LCN6: variants seen among roughly 807,000 people sequenced by gnomAD.
The protein encoded by LCN6 is epididymal-specific lipocalin-6.
In LCN6, 20 loss-of-function variants were observed where a neutral mutation model predicts 21.4. The observed-to-expected ratio is 0.93, with a 90% CI of 0.66 to 1.36. The LOEUF (loss-of-function observed/expected upper bound fraction) is 1.36, where lower values mean the gene tolerates loss of function less well. Among genes scored for constraint, LCN6 ranks in the 40% most tolerant of loss-of-function variants. LCN6 has a pLI of 0.00. For synonymous variants in LCN6, 96 were observed against 89.0 expected (o/e 1.08, Z -0.44); for missense variants, 217 against 206.6 (o/e 1.05, Z -0.31).
intron 1 of LCN6, among the ~76,000 whole-genome samples, chr9:136,747,994 CCAGCCCTCCAGCCTCCAGTTCTG>C (rs1847072911): frequency 2.7e-5 from 4 of 149,688 alleles, no homozygotes; most frequent in Admixed American, 2.6e-4. Context: ...CTCCAGCTCT[CCAGCCCTCCAGCCTCCAGTTCTG>C]CAGCCCTCCA....
intron 1 of LCN6, among the ~76,000 whole-genome samples, 173 bp downstream of exon 1, chr9:136,748,221 C>T (rs1320878374): frequency 4.6e-5 from 7 of 152,256 alleles, no homozygotes; most frequent in African/African-American, 1.7e-4. Flanking sequence ...CTCCAGCATC[C>T]ACCCCTCCTG....
At position 136,747,497 on chromosome 9, in the gene LCN6, T is replaced by C. The variant is rs780721064; in HGVS notation, c.157A>G (p.Met53Val). ...REKGFAMEKD[M>V]KNVVGVVVTL... Reference sequence around the variant, plus strand: ...ACCACCACCCCCACGACGTTCTTCATGTCCTTCTCCATGGCAAAGCCCTTT... The same window carrying C: ...ACCACCACCCCCACGACGTTCTTCACGTCCTTCTCCATGGCAAAGCCCTTT... Residue 53 changes from methionine to valine, a missense_variant, in exon 2 of 7, where the codon ATG (methionine) becomes GTG (valine). Transcript: ENST00000341206. 6.2e-6 allele frequency: 10 copies of C among 1,613,590 alleles called. No homozygotes were observed. The highest frequency in any genetic ancestry group is 4.5e-5 in the East Asian group (2 of 44,906).
At position 136,744,743 on chromosome 9, in the gene LCN6, TG is replaced by T. The variant is rs1176484651; in HGVS notation, c.413-3del. The stretch of plus-strand genomic sequence containing the variant: ...CCTGGCTGGCTGTCTCCGTCAGACC[TG>T]GGGGCACCAGGGCAGTGCAGGGGGA... On this transcript the variant is annotated splice_polypyrimidine_tract_variant and splice_region_variant and intron_variant, in intron 4 of 6. Transcript: ENST00000341206. The surrounding 1 kb of genome is among the most constrained non-coding windows in gnomAD (Gnocchi z 4.2). The T allele has an allele frequency of 1.9e-5, 30 of 1,598,066 alleles. No homozygotes were observed. The highest frequency in any genetic ancestry group is 2.5e-5 in the Non-Finnish European group (29 of 1,171,826).
At chr9:136,745,665 G>T (rs1238531863) in intron 3 of LCN6, 179 bp downstream of exon 3, 2 of 653,680 alleles carry the variant, frequency 3.1e-6, no homozygotes, top group East Asian at 2.6e-5. Context: ...TGGGAACAAG[G>T]TTCCAATCCT....
chr9:136,745,623 C>T (rs1847027339), intron 3 of LCN6: 1 of 603,792 alleles, frequency 1.7e-6, no homozygotes, highest in Non-Finnish European at 2.9e-6. Flanking sequence ...CTATGGGGAC[C>T]TTGGCTGGAC....
chr9:136,744,775 C>A lies in LCN6; in HGVS notation c.413-34G>T, dbSNP rs749891183. ...ACCAGGGCAGTGCAGGGGGAAGCAA[C>A]CTCTGAGAGCTGGGGAGGGGCCGGG... On this transcript the variant is annotated intron_variant, in intron 4 of 6. Transcript: ENST00000341206. This position sits in a 1 kb window ranked among gnomAD's most constrained non-coding sequence, Gnocchi z 4.2. 7.3e-6 allele frequency: 11 copies of A among 1,508,806 alleles called. No homozygotes were observed. Among genetic ancestry groups the A allele is most frequent in the Non-Finnish European group, 8.2e-6 (9 of 1,094,058 alleles). 93.5% of individuals were successfully genotyped at this position (1,508,806 alleles called of 1,614,324 possible). A position where few individuals can be genotyped will look rare whatever the true frequency, so the allele number is the denominator to read the frequency against.
At position 136,747,611 on chromosome 9, in the gene LCN6, GCCTCCAGCCTCCAAC is replaced by G. The variant is rs757070484; in HGVS notation, c.91-63_91-49del. On this transcript the variant is annotated intron_variant, in intron 1 of 6. Coordinates refer to ENST00000341206, the MANE Select transcript of LCN6 (RefSeq NM_198946.3). The stretch of plus-strand genomic sequence containing the variant: ...AGGGCCGCCAGCCCTCCAGCCTCCA[GCCTCCAGCCTCCAAC>G]CCTCCAGCCTCAGCCTCCAGCCTCC... The G allele has an allele frequency of 1.2e-5, 19 of 1,565,602 alleles. 1 individual carries two copies. Among genetic ancestry groups the G allele is most frequent in the African/African-American group, 3.1e-5 (2 of 64,558 alleles).
chr9:136,745,285 GA>G lies in LCN6; in HGVS notation c.302-6del, dbSNP rs532089356. The G allele has an allele frequency of 2.2e-4, 346 of 1,602,006 alleles. 2 individuals carry two copies. The African/African-American group carries it at 4.3e-3, about 20-fold the overall frequency. On this transcript the variant is annotated splice_polypyrimidine_tract_variant and splice_region_variant and intron_variant, in intron 3 of 6. Coordinates refer to ENST00000341206, the MANE Select transcript of LCN6 (RefSeq NM_198946.3). ...AGAGCTCCAGCACGCCTATTGCTAGGAAACAAAACCCCCCGCCTCAGGGGAG... is the reference window on the plus strand; with the variant it reads ...AGAGCTCCAGCACGCCTATTGCTAGGAACAAAACCCCCCGCCTCAGGGGAG...
intron 1 of LCN6, 41 bp downstream of exon 1, chr9:136,748,352 GC>G (rs755164304): frequency 3.9e-5 from 60 of 1,540,244 alleles, no homozygotes; most frequent in African/African-American, 1.1e-4. Flanking sequence ...GGAGGGGCTG[GC>G]CCCCGAGGAC....
At position 136,748,419 on chromosome 9, in the gene LCN6, C is replaced by T. The variant is rs778892779; in HGVS notation, c.65G>A (p.Trp22Ter). The T allele has an allele frequency of 1.8e-5, 29 of 1,612,866 alleles. No homozygotes were observed. The highest frequency in any genetic ancestry group is 5.1e-6 in the Non-Finnish European group (6 of 1,179,902). Residue 22 changes from tryptophan (W) to a stop codon, truncating the protein, a stop_gained, in exon 1 of 7, where the codon TGG becomes TAG. Transcript: ENST00000341206. LOFTEE classifies it high-confidence loss of function. ...CTGCTCAGGGTCCAGTCTTCCCAACCACACGGCCTGGGCCCTGGGCACCGA... is the reference window on the plus strand; with the variant it reads ...CTGCTCAGGGTCCAGTCTTCCCAACTACACGGCCTGGGCCCTGGGCACCGA... ...LVSVPRAQAV[W>*]LGRLDPEQLL...
chr9:136,747,571 G>A lies in LCN6; in HGVS notation c.91-8C>T, dbSNP rs764529193. 2 of 1,608,216 alleles carry A rather than the reference G, an allele frequency of 1.2e-6. No individual in the cohort carries two copies. Among genetic ancestry groups the A allele is most frequent in the South Asian group, 2.2e-5 (2 of 91,078 alleles). On this transcript the variant is annotated splice_polypyrimidine_tract_variant and splice_region_variant and intron_variant, in intron 1 of 6. Transcript: ENST00000341206. The stretch of plus-strand genomic sequence containing the variant: ...GTACCAGGGCCCAAGAAGCTGCATT[G>A]AGGCGGCTCCCGTTAGGGCCGCCAG...
chr9:136,744,835 G>T lies in LCN6; in HGVS notation c.413-94C>A. The T allele has an allele frequency of 1.1e-6, 1 of 889,470 alleles. No individual in the cohort carries two copies. Among genetic ancestry groups the T allele is most frequent in the Non-Finnish European group, 1.8e-6 (1 of 558,530 alleles). 55.1% of individuals were successfully genotyped at this position (889,470 alleles called of 1,614,324 possible). A position where few individuals can be genotyped will look rare whatever the true frequency, so the allele number is the denominator to read the frequency against. ...GGAAGGGTCAGGAAGGAGGCCACCTGCCCTGGGATGCTGGCCCCGGTCCTT... is the reference window on the plus strand; with the variant it reads ...GGAAGGGTCAGGAAGGAGGCCACCTTCCCTGGGATGCTGGCCCCGGTCCTT... On this transcript the variant is annotated intron_variant, in intron 4 of 6. Coordinates refer to ENST00000341206, the MANE Select transcript of LCN6 (RefSeq NM_198946.3). This position sits in a 1 kb window ranked among gnomAD's most constrained non-coding sequence, Gnocchi z 4.2.
intron 3 of LCN6, 187 bp downstream of exon 3, chr9:136,745,657 G>A: frequency 4.7e-6 from 3 of 637,710 alleles, no homozygotes; most frequent in South Asian, 1.8e-5. Context: ...GAGCCTGCTG[G>A]GAACAAGGTT....
At position 136,748,449 on chromosome 9, in the gene LCN6, A is replaced by G. The variant is rs768092975; in HGVS notation, c.35T>C (p.Leu12Ser). The change falls in exon 1 of 7, where the codon TTG becomes TCG. Residue 12 changes from leucine to serine, a missense_variant. Coordinates refer to ENST00000341206, the MANE Select transcript of LCN6 (RefSeq NM_198946.3). ...GGCCTGGGCCCTGGGCACCGAGACC[A>G]AAGCCAGAAAAGCAGCCAGCAGCAG... ...GGLLLAAFLA[L>S]VSVPRAQAVW... 1.2e-6 allele frequency: 2 copies of G among 1,613,064 alleles called. No homozygotes were observed. Among genetic ancestry groups the G allele is most frequent in the South Asian group, 2.2e-5 (2 of 91,038 alleles).
intron 1 of LCN6, among the ~76,000 whole-genome samples, chr9:136,747,779 G>C (rs1847067088): frequency 7.5e-6 from 1 of 133,318 alleles, no homozygotes; most frequent in African/African-American, 2.9e-5. Context: ...CAGCCCTCCA[G>C]CCTCCAGTCT....
At chr9:136,746,230 G>A (rs1847034952) in intron 2 of LCN6, among the ~76,000 whole-genome samples, 1 of 150,146 alleles carries the variant, frequency 6.7e-6, no homozygotes, top group African/African-American at 2.5e-5. Flanking sequence ...GGAAAGATGG[G>A]GTGGGGTGGG....
chr9:136,744,562 C>T lies in LCN6; in HGVS notation c.*22+78G>A, dbSNP rs534992300. 44 of 889,778 alleles carry T rather than the reference C, an allele frequency of 4.9e-5. No homozygotes were observed. The African/African-American group carries it at 6.9e-4, about 14-fold the overall frequency. 55.1% of individuals were successfully genotyped at this position (889,778 alleles called of 1,614,324 possible). A position where few individuals can be genotyped will look rare whatever the true frequency, so the allele number is the denominator to read the frequency against. On this transcript the variant is annotated intron_variant, in intron 5 of 6. Coordinates refer to ENST00000341206, the MANE Select transcript of LCN6 (RefSeq NM_198946.3). The surrounding 1 kb of genome is among the most constrained non-coding windows in gnomAD (Gnocchi z 4.2). Reference sequence around the variant, plus strand: ...CAGAAGCCAGAATCAACCCCAGGGTCTCTGTCACCCCATCACGCCCTGTGG... The same window carrying T: ...CAGAAGCCAGAATCAACCCCAGGGTTTCTGTCACCCCATCACGCCCTGTGG...
chr9:136,746,236 G>C (rs1564326703), intron 2 of LCN6, among the ~76,000 whole-genome samples: 2 of 147,320 alleles, frequency 1.4e-5, no homozygotes, highest in Non-Finnish European at 3.0e-5. Context: ...ATGGGGTGGG[G>C]TGGGGGTTCG....
At chr9:136,746,084 G>A in intron 2 of LCN6, 170 bp from the exon 3 acceptor site, 7 of 624,892 alleles carry the variant, frequency 1.1e-5, no homozygotes, top group South Asian at 9.4e-5. Flanking sequence ...TGGACGGCGT[G>A]GGAGTCCTGA....
Sources: allele counts gnomAD v4.1 joint callset (sites outside exome capture counted in the v4.1 genomes callset), GRCh38; gene constraint gnomAD v4.1.1; non-coding constraint Gnocchi (gnomAD v3.1); transcripts MANE v1.5; gene names NCBI Gene and HGNC (gene_info 2026-07-23, HGNC 2026-07-21).